Variants in TTC34 observed in about 807,000 individuals in gnomAD.
TTC34 encodes the protein tetratricopeptide repeat domain 34, also known as tetratricopeptide repeat protein 34.
In TTC34, 44 loss-of-function variants were observed where a neutral mutation model predicts 40.7. The ratio of observed to expected loss-of-function variants is 1.08; its 90% CI spans 0.85 to 1.39. The LOEUF (loss-of-function observed/expected upper bound fraction) is 1.39. TTC34 is among the 40% of genes most tolerant of loss of function. The pLI is 0.00. For synonymous variants in TTC34, 422 were observed against 398.6 expected, an observed-to-expected ratio of 1.06 and a Z score of -0.70; for missense variants, 884 against 838.0, an observed-to-expected ratio of 1.05 and a Z score of -0.68.
At chr1:2,681,139 C>T (rs1640053144) in intron 6 of TTC34, among the ~76,000 whole-genome samples, 1 of 114,122 alleles carries the variant, frequency 8.8e-6, no homozygotes, top group Non-Finnish European at 1.9e-5. Flanking sequence ...GAGCAGCACC[C>T]ACAGCCCAAG....
rs1342356966 is a variant in TTC34 at position 2,694,639 on chromosome 1, G to A, written c.2227-49076C>T. Reference sequence around the variant, plus strand: ...CGGAGCAGCACCCACACCTCCCGGCGAGCATCTGACGGCCTGGAACAGCAC... The same window carrying A: ...CGGAGCAGCACCCACACCTCCCGGCAAGCATCTGACGGCCTGGAACAGCAC... On this transcript the variant is annotated intron_variant, in intron 6 of 8. Transcript: ENST00000401095. 6.0e-5 allele frequency among the ~76,000 whole-genome samples: 5 copies of A among 83,934 alleles called. 1 individual carries two copies. Among genetic ancestry groups the A allele is most frequent in the African/African-American group, 1.9e-4 (5 of 26,082 alleles). The allele number at this position is 83,934 out of a possible 152,430, so 55.1% of individuals were successfully genotyped here.
At chr1:2,687,427 T>TCCAC (rs1640414846) in intron 6 of TTC34, among the ~76,000 whole-genome samples, 1 of 55,934 alleles carries the variant, frequency 1.8e-5, no homozygotes, top group South Asian at 6.3e-4. Flanking sequence ...CATCTGATGG[T>TCCAC]CTGGAGCAGC....
exon 2 of TTC34, chr1:2,800,232 G>A (rs1352867014): frequency 2.0e-5 from 8 of 398,386 alleles, no homozygotes; most frequent in Middle Eastern, 6.2e-4. Flanking sequence ...CCCAGCCTCC[G>A]GGTGCCCCGA....
At chr1:2,783,702 C>T in exon 6 of TTC34, 1 of 1,545,908 alleles carries the variant, frequency 6.5e-7, no homozygotes, top group Non-Finnish European at 8.7e-7. Flanking sequence ...TGAAGTCGAA[C>T]ATGGCCGTCT....
At chr1:2,698,765 C>A (rs1390686801) in intron 6 of TTC34, among the ~76,000 whole-genome samples, 367 of 123,782 alleles carry the variant, frequency 3.0e-3, no homozygotes, top group Non-Finnish European at 3.3e-3. Context: ...GCAGGACCCA[C>A]ACCCCCAGGT....
Position 2,768,502 on chromosome 1 carries a change from C to G in TTC34, c.2226+15107G>C, listed in dbSNP as rs1329020954. Among the ~76,000 whole-genome samples the G allele has an allele frequency of 2.0e-5, 3 of 151,416 alleles. No individual in the cohort carries two copies. The East Asian group carries it at 5.8e-4, about 29-fold the overall frequency. On this transcript the variant is annotated intron_variant, in intron 6 of 8. Transcript: ENST00000401095. ...TAAGTGGGGAAAAGCTCCCCGCCCT[C>G]AGGTGAGTGTCTGACAGCCTGGAAC...
chr1:2,651,780 T>G lies in TTC34; in HGVS notation c.2227-6217A>C, dbSNP rs1279139508. On this transcript the variant is annotated intron_variant, in intron 6 of 8. Coordinates refer to ENST00000401095, the Ensembl canonical transcript of TTC34. ...CACCCTCCACCCTCAGATGAGCATCTGACAGCCGGAAAAACACCCTCCACC... is the reference window on the plus strand; with the variant it reads ...CACCCTCCACCCTCAGATGAGCATCGGACAGCCGGAAAAACACCCTCCACC... 5.3e-5 allele frequency among the ~76,000 whole-genome samples: 8 copies of G among 152,080 alleles called. 1 individual carries two copies. In the South Asian group the frequency reaches 1.7e-3, roughly 32 times the overall value.
intron 6 of TTC34, among the ~76,000 whole-genome samples, chr1:2,771,488 A>G (rs1642128486): frequency 2.4e-5 from 2 of 81,648 alleles, no homozygotes; most frequent in Non-Finnish European, 4.4e-5. Context: ...CCACACCCCC[A>G]GGCGAGCATC....
intron 6 of TTC34, among the ~76,000 whole-genome samples, chr1:2,700,395 C>A (rs1288369390): frequency 8.8e-6 from 1 of 113,980 alleles, no homozygotes; most frequent in African/African-American, 2.7e-5. Context: ...ATCTGACAGC[C>A]TGGAGCAGCA....
intron 6 of TTC34, among the ~76,000 whole-genome samples, chr1:2,780,454 T>C (rs1643464054): frequency 6.6e-6 from 1 of 152,208 alleles, no homozygotes; most frequent in Non-Finnish European, 1.5e-5. Flanking sequence ...AATTTTTGTA[T>C]GTAGTGTTAG....
At chr1:2,777,460 G>C (rs1223148774) in intron 6 of TTC34, among the ~76,000 whole-genome samples, 1 of 150,660 alleles carries the variant, frequency 6.6e-6, no homozygotes, top group Non-Finnish European at 1.5e-5. Flanking sequence ...CTGCCCCCCG[G>C]TTAGTGTCTG....
Position 2,751,529 on chromosome 1 carries a change from C to A in TTC34, c.2226+32080G>T, listed in dbSNP as rs1255070579. ...ACAGCCTTGAACAGCACCCTGCACC[C>A]CCAGGTGAGCATCTGACAGCCTGCA... is the stretch of plus-strand genomic sequence containing the variant. On this transcript the variant is annotated intron_variant, in intron 6 of 8. Coordinates refer to ENST00000401095, the Ensembl canonical transcript of TTC34. Among the ~76,000 whole-genome samples the A allele has an allele frequency of 6.7e-4, 80 of 119,148 alleles. 12 individuals carry two copies. The highest frequency in any genetic ancestry group is 1.6e-3 in the Admixed American group (19 of 11,558). The allele number at this position is 119,148 out of a possible 152,430, so 78.2% of individuals were successfully genotyped here. A position where few individuals can be genotyped will look rare whatever the true frequency, so the allele number is the denominator to read the frequency against.
intron 6 of TTC34, among the ~76,000 whole-genome samples, chr1:2,694,982 G>C (rs965384972): frequency 1.7e-4 from 23 of 132,438 alleles, no homozygotes; most frequent in Non-Finnish European, 2.3e-4. Flanking sequence ...GCCTGGAGCA[G>C]CACCCTGCAC....
At chr1:2,687,422 G>GAC (rs1557613072) in intron 6 of TTC34, among the ~76,000 whole-genome samples, 24 of 150,904 alleles carry the variant, frequency 1.6e-4, no homozygotes, top group African/African-American at 5.4e-4. Context: ...GTGAGCATCT[G>GAC]ATGGTCTGGA....
chr1:2,752,566 CTTGCACCCCCAGGTGAGAAT>C (rs1641359906), intron 6 of TTC34, among the ~76,000 whole-genome samples: 1 of 108,352 alleles, frequency 9.2e-6, no homozygotes, highest in Non-Finnish European at 1.8e-5. Context: ...GGAACAGCAC[CTTGCACCCCCAGGTGAGAAT>C]CTGACAACCT....
intron 6 of TTC34, among the ~76,000 whole-genome samples, chr1:2,751,034 A>G (rs1238250168): frequency 1.0e-3 from 68 of 67,060 alleles, no homozygotes; most frequent in Middle Eastern, 9.1e-3. Context: ...ACAGCCTGGA[A>G]CAGAACCCAC....
chr1:2,699,296 G>T (rs1379305787), intron 6 of TTC34, among the ~76,000 whole-genome samples: 1 of 148,126 alleles, frequency 6.8e-6, no homozygotes, highest in Non-Finnish European at 1.5e-5. Context: ...CACACCCCCA[G>T]GCGAGCATCT....
intron 3 of TTC34, 77 bp downstream of exon 3, chr1:2,789,426 G>T: frequency 7.3e-7 from 1 of 1,369,732 alleles, no homozygotes; most frequent in Non-Finnish European, 9.7e-7. Flanking sequence ...TGTAAAATAG[G>T]AGGAAACACA....
At chr1:2,748,628 A>G (rs1165177568) in intron 6 of TTC34, among the ~76,000 whole-genome samples, 3 of 74,106 alleles carry the variant, frequency 4.0e-5, no homozygotes, top group African/African-American at 5.9e-5. Context: ...ACAGCCTGGA[A>G]CAGAACCCAC....
Sources: gnomAD v4.1 joint callset for allele counts (sites outside exome capture counted in the v4.1 genomes callset) on GRCh38, gnomAD v4.1.1 for gene constraint, MANE v1.5 for transcripts, NCBI Gene and HGNC (gene_info 2026-07-23, HGNC 2026-07-21) for gene names.